SDCCAG8: variants seen among roughly 807,000 people sequenced by gnomAD.
The protein encoded by SDCCAG8 is SHH signaling and ciliogenesis regulator SDCCAG8, also known as serologically defined colon cancer antigen 8.
SDCCAG8 carries 74 observed loss-of-function variants against 101.8 expected under a neutral mutation model. The observed-to-expected ratio is 0.73, with a 90% CI of 0.60 to 0.88. The LOEUF (loss-of-function observed/expected upper bound fraction) is 0.88. Ranked by LOEUF, SDCCAG8 falls within the 40% of genes least tolerant of loss-of-function variation. The pLI, the probability that SDCCAG8 is intolerant of heterozygous loss-of-function variation, is 0.00. For synonymous variants in SDCCAG8, 281 were observed against 292.9 expected (o/e 0.96, Z 0.41); for missense variants, 787 against 822.6 (o/e 0.96, Z 0.53).
chr1:243,297,269 A>G (rs1180322627), intron 6 of SDCCAG8, among the ~76,000 whole-genome samples: 4 of 152,194 alleles, frequency 2.6e-5, no homozygotes, highest in African/African-American at 9.7e-5. Flanking sequence ...CATTGGCCGA[A>G]GTTTGTTCAT....
chr1:243,453,613 G>C (rs891811901), intron 16 of SDCCAG8, among the ~76,000 whole-genome samples: 1 of 152,158 alleles, frequency 6.6e-6, no homozygotes, highest in Non-Finnish European at 1.5e-5. Context: ...TGTTAAGAAT[G>C]ATCAGGTTAT....
At chr1:243,286,121 A>T in intron 4 of SDCCAG8, 151 bp from the exon 5 acceptor site, 1 of 806,214 alleles carries the variant, frequency 1.2e-6, no homozygotes, top group Non-Finnish European at 2.0e-6. Context: ...AGCTAATGTT[A>T]GGCTGCCTTG....
At chr1:243,393,321 G>T (rs1398335410) in intron 13 of SDCCAG8, among the ~76,000 whole-genome samples, 3 of 152,020 alleles carry the variant, frequency 2.0e-5, no homozygotes, top group Non-Finnish European at 4.4e-5. Flanking sequence ...AAAGCTGGCA[G>T]GGGAGGGGCT....
At chr1:243,340,023 T>G (rs2075291977) in intron 10 of SDCCAG8, among the ~76,000 whole-genome samples, 1 of 152,156 alleles carries the variant, frequency 6.6e-6, no homozygotes, top group Non-Finnish European at 1.5e-5. Context: ...CCAGAAACTA[T>G]AAAGGATAAA....
intron 16 of SDCCAG8, among the ~76,000 whole-genome samples, chr1:243,454,704 A>G (rs1295695040): frequency 1.3e-5 from 2 of 152,188 alleles, no homozygotes; most frequent in Non-Finnish European, 2.9e-5. Flanking sequence ...TCAACAACTG[A>G]GATGTCTAAA....
At chr1:243,363,023 C>A (rs1419142799) in intron 12 of SDCCAG8, among the ~76,000 whole-genome samples, 1 of 152,198 alleles carries the variant, frequency 6.6e-6, no homozygotes, top group Non-Finnish European at 1.5e-5. Context: ...CTCTTTTCAA[C>A]ATATTGCCAT....
rs192370541 is a variant in SDCCAG8 at position 243,496,548 on chromosome 1, G to T, written c.2113-3208G>T. 5.6e-3 allele frequency among the ~76,000 whole-genome samples: 840 copies of T among 148,918 alleles called. 9 individuals carry two copies. The highest frequency in any genetic ancestry group is 0.021 in the African/African-American group (803 of 38,346). ...GTGCCAGTGAGCAGAGCGGACAGCA[G>T]GGGGGGAAGGGGTTGTTACCTTCAG... On this transcript the variant is annotated intron_variant, in intron 17 of 17. Transcript: ENST00000366541.
At chr1:243,372,116 T>C (rs1484441721) in intron 12 of SDCCAG8, among the ~76,000 whole-genome samples, 3 of 152,146 alleles carry the variant, frequency 2.0e-5, no homozygotes, top group Admixed American at 2.0e-4. Context: ...TCCCAAGTGA[T>C]AGATTATATG....
intron 4 of SDCCAG8, among the ~76,000 whole-genome samples, chr1:243,283,421 G>GTA (rs200044034): frequency 0.044 from 6,347 of 144,396 alleles, 453 homozygotes; most frequent in African/African-American, 0.15. Context: ...ATATATACAT[G>GTA]TATATATATA....
At chr1:243,370,423 CAT>C (rs2077223165) in intron 12 of SDCCAG8, among the ~76,000 whole-genome samples, 1 of 152,042 alleles carries the variant, frequency 6.6e-6, no homozygotes, top group South Asian at 2.1e-4. Context: ...TTTTAGCAAA[CAT>C]AAAGTCTTTA....
At chr1:243,480,791 GGGATGGAT>G (rs768014106) in intron 16 of SDCCAG8, among the ~76,000 whole-genome samples, 1 of 59,224 alleles carries the variant, frequency 1.7e-5, no homozygotes, top group Non-Finnish European at 3.2e-5. Flanking sequence ...ATGGATGGGT[GGGATGGAT>G]GGATGGATGG....
At chr1:243,496,011 G>T (rs1667764128) in intron 17 of SDCCAG8, among the ~76,000 whole-genome samples, 1 of 152,144 alleles carries the variant, frequency 6.6e-6, no homozygotes, top group African/African-American at 2.4e-5. Flanking sequence ...CAGAGAAAAA[G>T]AAAGAACCAG....
chr1:243,279,041 TG>T (rs1265967115), intron 4 of SDCCAG8, among the ~76,000 whole-genome samples: 5 of 152,280 alleles, frequency 3.3e-5, no homozygotes, highest in African/African-American at 1.2e-4. Context: ...TCCTCCTGCC[TG>T]GGCTTCCCAA....
chr1:243,274,292 G>A (rs772308643), intron 3 of SDCCAG8, among the ~76,000 whole-genome samples: 2 of 152,136 alleles, frequency 1.3e-5, no homozygotes, highest in African/African-American at 2.4e-5. Flanking sequence ...CATCATGACC[G>A]AAACACCTCC....
chr1:243,323,117 G>C (rs2073893272), intron 9 of SDCCAG8, among the ~76,000 whole-genome samples: 1 of 150,774 alleles, frequency 6.6e-6, no homozygotes, highest in African/African-American at 2.4e-5. Flanking sequence ...CCTGGCAGCA[G>C]AGTGAGACTC....
At chr1:243,256,334 G>T in intron 1 of SDCCAG8, 94 bp downstream of exon 1, 2 of 967,568 alleles carry the variant, frequency 2.1e-6, no homozygotes, top group Admixed American at 1.7e-5. Context: ...CCTGGGTTCT[G>T]CCCCGTCCAC....
At chr1:243,274,785 A>G in intron 4 of SDCCAG8, 129 bp downstream of exon 4, 1 of 614,654 alleles carries the variant, frequency 1.6e-6, no homozygotes, top group East Asian at 3.0e-5. Context: ...TTCTTACGTG[A>G]TTGAGAGACT....
At chr1:243,348,388 T>C (rs2075869792) in intron 12 of SDCCAG8, among the ~76,000 whole-genome samples, 1 of 151,768 alleles carries the variant, frequency 6.6e-6, no homozygotes, top group Non-Finnish European at 1.5e-5. Flanking sequence ...AGCTCTAAGA[T>C]GGCAGGGATG....
In SDCCAG8 at chr1:243,307,901, A is replaced by G. The variant is rs1573158435; in HGVS notation, c.741-88A>G. On this transcript the variant is annotated intron_variant, in intron 7 of 17. Transcript: ENST00000366541. ...AGCATAAGGTGAGTACCCATAAACG[A>G]TAGTAGTAGTTAACATTATGATGAT... The G allele has an allele frequency of 2.5e-6, 4 of 1,595,140 alleles. No homozygotes were observed. The South Asian group carries it at 4.4e-5, about 18-fold the overall frequency.
Sources: gnomAD v4.1 joint callset for allele counts (sites outside exome capture counted in the v4.1 genomes callset) on GRCh38, gnomAD v4.1.1 for gene constraint, MANE v1.5 for transcripts, NCBI Gene and HGNC (gene_info 2026-07-23, HGNC 2026-07-21) for gene names.